Variants in USP42 observed in about 807,000 individuals in gnomAD.
USP42 encodes the protein ubiquitin specific peptidase 42, also known as ubiquitin carboxyl-terminal hydrolase 42.
In USP42, 23 loss-of-function variants were observed where a neutral mutation model predicts 113.0. That is an observed-to-expected ratio of 0.20 (90% CI 0.15 to 0.29). USP42 has a LOEUF of 0.29. USP42 is among the 10% of genes least tolerant of loss of function. USP42 has a pLI of 1.00. For synonymous variants in USP42, 933 were observed against 699.0 expected, an observed-to-expected ratio of 1.33 and a Z score of -5.28; for missense variants, 2,174 against 1,779.8, an observed-to-expected ratio of 1.22 and a Z score of -3.99.
intron 2 of USP42, chr7:6,112,020 A>G (rs1197762078): frequency 6.6e-6 from 1 of 152,360 alleles, no homozygotes; most frequent in African/African-American, 2.4e-5. Flanking sequence ...TCCTAAGTAG[A>G]TGACTTTTAC....
intron 3 of USP42, among the ~76,000 whole-genome samples, chr7:6,129,176 G>T (rs1780704041): frequency 6.6e-6 from 1 of 152,118 alleles, no homozygotes; most frequent in African/African-American, 2.4e-5. Context: ...CGGTTTACTG[G>T]TATTGTCATT....
At chr7:6,132,917 C>T (rs937761328) in intron 3 of USP42, among the ~76,000 whole-genome samples, 5 of 152,162 alleles carry the variant, frequency 3.3e-5, no homozygotes, top group African/African-American at 1.2e-4. Context: ...GTGATCTGCC[C>T]ATCTTGGTCT....
chr7:6,098,067 A>G, the USP42 span, among the ~76,000 whole-genome samples: 1 of 146,516 alleles, frequency 6.8e-6, no homozygotes, highest in Admixed American at 6.8e-5. Flanking sequence ...ACTACCCCAC[A>G]GCTAAGTTTT....
chr7:6,105,634 G>A (rs777927824), intron 1 of USP42, among the ~76,000 whole-genome samples: 8 of 152,112 alleles, frequency 5.3e-5, no homozygotes, highest in Non-Finnish European at 1.2e-4. Context: ...AGTCCGAGGT[G>A]CCCACGCCGG....
At chr7:6,083,916 T>C in the USP42 span, among the ~76,000 whole-genome samples, 2 of 151,202 alleles carry the variant, frequency 1.3e-5, no homozygotes, top group South Asian at 4.1e-4. Context: ...CTAACCTAGT[T>C]AACCTCCTGC....
At position 6,140,899 on chromosome 7, in the gene USP42, T is replaced by A; in HGVS notation, c.725-15T>A. 6.9e-7 allele frequency: 1 copy of A among 1,456,166 alleles called. No individual in the cohort carries two copies. 90.2% of individuals were successfully genotyped at this position (1,456,166 alleles called of 1,614,324 possible). ...TTATACTTTGCTCATCTTTTGCATTTTATTTTTATTTCAGTCAAATGTTTA... is the reference window on the plus strand; with the variant it reads ...TTATACTTTGCTCATCTTTTGCATTATATTTTTATTTCAGTCAAATGTTTA... On this transcript the variant is annotated splice_polypyrimidine_tract_variant and intron_variant, in intron 6 of 17. Transcript: ENST00000306177.
chr7:6,105,020 C>G lies in USP42; in HGVS notation c.-22C>G, dbSNP rs1195066824. Reference sequence around the variant, plus strand: ...CGGCCGAGGGGGATGGAGCGAGCGCCGAGCCGGGTCAGGTAAGCTCCCGCC... The same window carrying G: ...CGGCCGAGGGGGATGGAGCGAGCGCGGAGCCGGGTCAGGTAAGCTCCCGCC... On this transcript the variant is annotated 5_prime_UTR_variant, in exon 1 of 18. Coordinates refer to ENST00000306177, the MANE Select transcript of USP42 (RefSeq NM_032172.3). 6.6e-6 allele frequency: 1 copy of G among 152,118 alleles called. No homozygotes were observed. Among genetic ancestry groups the G allele is most frequent in the Admixed American group, 6.7e-5 (1 of 14,828 alleles). The allele number at this position is 152,118 out of a possible 1,614,324, so 9.4% of individuals were successfully genotyped here.
At chr7:6,149,477 G>GAAAA in intron 12 of USP42, 106 bp from the exon 13 acceptor site, 2 of 1,151,204 alleles carry the variant, frequency 1.7e-6, no homozygotes, top group South Asian at 1.7e-5. Context: ...TGTTAGTCCT[G>GAAAA]AAAAAAAAAA....
intron 1 of USP42, among the ~76,000 whole-genome samples, chr7:6,106,782 T>C (rs1250542206): frequency 1.3e-5 from 2 of 152,000 alleles, no homozygotes; most frequent in Non-Finnish European, 2.9e-5. Context: ...CCCAGGCTGG[T>C]CTGCAACTCC....
intron 3 of USP42, among the ~76,000 whole-genome samples, chr7:6,123,428 C>T (rs56916541): frequency 0.2 from 30,714 of 152,016 alleles, 5,255 homozygotes; most frequent in East Asian, 0.72. Flanking sequence ...CTTTGGGAGG[C>T]CAAGGCGAGC....
In USP42 at chr7:6,157,163, C is replaced by T; in HGVS notation, c.3943+108C>T. 2.8e-6 allele frequency: 4 copies of T among 1,442,102 alleles called. No homozygotes were observed. The highest frequency in any genetic ancestry group is 2.7e-6 in the Non-Finnish European group (3 of 1,103,822). 89.3% of individuals were successfully genotyped at this position (1,442,102 alleles called of 1,614,324 possible). A position where few individuals can be genotyped will look rare whatever the true frequency, so the allele number is the denominator to read the frequency against. ...GAAAACCTCAGGTGGCATCAAAGGG[C>T]ACAGTTACTCAGAGCACCCCTGCCC... On this transcript the variant is annotated intron_variant, in intron 16 of 17. Coordinates refer to ENST00000306177, the MANE Select transcript of USP42 (RefSeq NM_032172.3). This position sits in a 1 kb window ranked among gnomAD's most constrained non-coding sequence, Gnocchi z 4.1.
chr7:6,147,554 C>T (rs1230238926), intron 11 of USP42, among the ~76,000 whole-genome samples, 185 bp from the exon 12 acceptor site: 3 of 152,238 alleles, frequency 2.0e-5, no homozygotes, highest in African/African-American at 4.8e-5. Context: ...TTGTTGTCTC[C>T]TGATCTGAGT....
chr7:6,083,742 T>A, the USP42 span, among the ~76,000 whole-genome samples: 1 of 150,944 alleles, frequency 6.6e-6, no homozygotes. Flanking sequence ...GTTTTTATTG[T>A]CTTCCAGTAC....
intron 2 of USP42, among the ~76,000 whole-genome samples, chr7:6,113,102 A>G (rs957915993): frequency 2.0e-5 from 3 of 151,450 alleles, no homozygotes; most frequent in Non-Finnish European, 4.4e-5. Flanking sequence ...ACGGGGTTTC[A>G]CCATGCTGGC....
intron 3 of USP42, among the ~76,000 whole-genome samples, chr7:6,117,184 A>G (rs1010924970): frequency 1.3e-5 from 2 of 152,100 alleles, no homozygotes; most frequent in African/African-American, 4.8e-5. Context: ...CCCCTTTGAA[A>G]TCACCCTTTC....
intron 3 of USP42, among the ~76,000 whole-genome samples, chr7:6,124,938 T>C (rs935760859): frequency 6.6e-6 from 1 of 152,026 alleles, no homozygotes; most frequent in African/African-American, 2.4e-5. Flanking sequence ...CTCAGCACTT[T>C]GGGAGGCTGA....
At chr7:6,095,532 G>C in the USP42 span, among the ~76,000 whole-genome samples, 1 of 150,990 alleles carries the variant, frequency 6.6e-6, no homozygotes, top group African/African-American at 2.5e-5. Context: ...AGCTGGGCGT[G>C]GTGGCAGGCA....
intron 3 of USP42, among the ~76,000 whole-genome samples, chr7:6,121,763 C>T (rs1780238219): frequency 6.6e-6 from 1 of 152,202 alleles, no homozygotes; most frequent in South Asian, 2.1e-4. Context: ...CTCCTGGGCT[C>T]AAGCAGTGCT....
At position 6,154,916 on chromosome 7, in the gene USP42, C is replaced by T. The variant is rs779455010; in HGVS notation, c.3362C>T (p.Ala1121Val). The stretch of plus-strand genomic sequence containing the variant: ...CGCCCCAGCAGCCCCCGCGCAGGCG[C>T]GCCCCACGCCCTCGCCCCGCACCCC... ...RHRPSSPRAG[A>V]PHALAPHPDR... Residue 1121 changes from alanine (A) to valine (V), a missense_variant, in exon 15 of 18, where the codon GCG (alanine) becomes GTG (valine). Coordinates refer to ENST00000306177, the MANE Select transcript of USP42 (RefSeq NM_032172.3). The T allele has an allele frequency of 2.3e-5, 35 of 1,548,540 alleles. No individual in the cohort carries two copies. The Admixed American group carries it at 3.7e-4, about 17-fold the overall frequency.
Sources: allele counts gnomAD v4.1 joint callset (sites outside exome capture counted in the v4.1 genomes callset), GRCh38; gene constraint gnomAD v4.1.1; non-coding constraint Gnocchi (gnomAD v3.1); transcripts MANE v1.5; gene names NCBI Gene and HGNC (gene_info 2026-07-23, HGNC 2026-07-21).